Variants in STAG1 observed in about 807,000 individuals in gnomAD.
The protein encoded by STAG1 is STAG1 cohesin complex component, also known as cohesin subunit SA-1.
Under a neutral mutation model 170.9 loss-of-function variants are expected in STAG1, and 26 were observed. The observed-to-expected ratio is 0.15, with a 90% CI of 0.11 to 0.21. STAG1 has a LOEUF of 0.21. Ranked by LOEUF, STAG1 falls within the 10% of genes least tolerant of loss-of-function variation. The probability of loss-of-function intolerance (pLI) is 1.00; values close to 1 mark genes in which losing one functional copy is unlikely to be tolerated. For missense variants in STAG1, 964 were observed against 1,509.5 expected, an observed-to-expected ratio of 0.64 and a Z score of 5.99; for synonymous variants, 514 against 497.7, an observed-to-expected ratio of 1.03 and a Z score of -0.44.
At chr3:136,485,141 T>G (rs2089980969) in intron 9 of STAG1, among the ~76,000 whole-genome samples, 1 of 152,168 alleles carries the variant, frequency 6.6e-6, no homozygotes, top group Non-Finnish European at 1.5e-5. Context: ...AATCTAGACA[T>G]TTATAATGAA....
chr3:136,608,535 C>CAAAAA (rs1939078181), intron 3 of STAG1, among the ~76,000 whole-genome samples: 2 of 76,128 alleles, frequency 2.6e-5, no homozygotes, highest in African/African-American at 5.3e-5. Context: ...AAAAACAAAA[C>CAAAAA]AACAAAAAGA....
intron 22 of STAG1, among the ~76,000 whole-genome samples, chr3:136,389,344 C>G (rs2086948858): frequency 6.6e-6 from 1 of 152,120 alleles, no homozygotes; most frequent in South Asian, 2.1e-4. Context: ...GAGTCTCACT[C>G]TGTCACGCAG....
chr3:136,637,309 G>C (rs1940604615), intron 1 of STAG1, among the ~76,000 whole-genome samples: 1 of 152,142 alleles, frequency 6.6e-6, no homozygotes, highest in Admixed American at 6.5e-5. Flanking sequence ...CACACGAAAA[G>C]ATAAATAAGT....
chr3:136,344,396 TCCTGGGCC>T (rs1302928848), intron 29 of STAG1, among the ~76,000 whole-genome samples: 2 of 152,118 alleles, frequency 1.3e-5, no homozygotes, highest in African/African-American at 4.8e-5. Flanking sequence ...AGGGCCTATT[TCCTGGGCC>T]TCGTAGGGGT....
intron 5 of STAG1, among the ~76,000 whole-genome samples, chr3:136,546,664 T>G (rs998821339): frequency 6.6e-6 from 1 of 152,128 alleles, no homozygotes; most frequent in African/African-American, 2.4e-5. Context: ...TAATCTGATA[T>G]AGGGAGAGCC....
intron 4 of STAG1, among the ~76,000 whole-genome samples, chr3:136,582,231 C>T (rs201717434): frequency 6.6e-6 from 1 of 151,640 alleles, no homozygotes. Flanking sequence ...GGGGGGTTAA[C>T]AAAGAAACAC....
chr3:136,620,374 A>G (rs1939789947), intron 3 of STAG1, among the ~76,000 whole-genome samples: 1 of 152,242 alleles, frequency 6.6e-6, no homozygotes, highest in South Asian at 2.1e-4. Flanking sequence ...CAGGACTCCA[A>G]TCTGATCATT....
At chr3:136,386,819 T>C (rs2086885574) in intron 22 of STAG1, among the ~76,000 whole-genome samples, 1 of 152,094 alleles carries the variant, frequency 6.6e-6, no homozygotes, top group African/African-American at 2.4e-5. Context: ...AACTATGAAA[T>C]ACGGTTAACA....
intron 23 of STAG1, among the ~76,000 whole-genome samples, chr3:136,374,151 C>G (rs2108301881): frequency 6.6e-6 from 1 of 152,208 alleles, no homozygotes; most frequent in South Asian, 2.1e-4. Context: ...TCATCCGAGA[C>G]TAGGATTGCA....
At chr3:136,467,087 C>T (rs371526004) in intron 12 of STAG1, among the ~76,000 whole-genome samples, 8 of 152,240 alleles carry the variant, frequency 5.3e-5, no homozygotes, top group East Asian at 3.9e-4. Context: ...AGAAAGAAAC[C>T]GCATCAACTA....
chr3:136,576,368 T>C (rs545045022), intron 4 of STAG1, among the ~76,000 whole-genome samples: 18 of 152,290 alleles, frequency 1.2e-4, no homozygotes, highest in African/African-American at 2.6e-4. Flanking sequence ...ATGTCCTCAA[T>C]TGATTCCAGT....
chr3:136,369,886 T>C (rs909427415), intron 23 of STAG1, among the ~76,000 whole-genome samples: 2 of 152,158 alleles, frequency 1.3e-5, no homozygotes, highest in African/African-American at 4.8e-5. Flanking sequence ...TGTAGTAACA[T>C]AACCCTGTGG....
At chr3:136,495,785 G>A (rs1341651724) in intron 9 of STAG1, among the ~76,000 whole-genome samples, 5 of 151,858 alleles carry the variant, frequency 3.3e-5, no homozygotes, top group African/African-American at 7.3e-5. Context: ...TGGATAACAC[G>A]GTGAAACCCC....
chr3:136,459,956 C>A (rs1461901721), intron 13 of STAG1, among the ~76,000 whole-genome samples: 1 of 151,838 alleles, frequency 6.6e-6, no homozygotes, highest in East Asian at 1.9e-4. Flanking sequence ...AACTAGAAGA[C>A]CCACACAAAA....
At chr3:136,347,304 G>A (rs1936264411) in intron 29 of STAG1, among the ~76,000 whole-genome samples, 5 of 149,272 alleles carry the variant, frequency 3.3e-5, no homozygotes, top group Non-Finnish European at 5.9e-5. Context: ...GCTGAGGCAG[G>A]AGAATTGCTT....
At chr3:136,741,562 G>T (rs534197507) in intron 1 of STAG1, among the ~76,000 whole-genome samples, 1 of 152,018 alleles carries the variant, frequency 6.6e-6, no homozygotes. Context: ...TCCACCTCCC[G>T]GGTTCAAGCG....
chr3:136,642,322 A>G (rs983654205), intron 1 of STAG1, among the ~76,000 whole-genome samples: 17 of 122,206 alleles, frequency 1.4e-4, no homozygotes, highest in African/African-American at 5.2e-4. Context: ...CCCAGACTGG[A>G]GTACAGTAGC....
At chr3:136,733,879 G>C (rs1034130230) in intron 1 of STAG1, among the ~76,000 whole-genome samples, 1 of 152,114 alleles carries the variant, frequency 6.6e-6, no homozygotes, top group African/African-American at 2.4e-5. Flanking sequence ...AGGCCAAGGC[G>C]GGCGGATCAC....
chr3:136,712,861 C>G (rs971387671), intron 1 of STAG1, among the ~76,000 whole-genome samples: 3 of 152,194 alleles, frequency 2.0e-5, no homozygotes, highest in Admixed American at 2.0e-4. Context: ...GAGGCTGAGG[C>G]AGGTGGATCA....
Sources: gnomAD v4.1 joint callset for allele counts (sites outside exome capture counted in the v4.1 genomes callset) on GRCh38, gnomAD v4.1.1 for gene constraint, MANE v1.5 for transcripts, NCBI Gene and HGNC (gene_info 2026-07-23, HGNC 2026-07-21) for gene names.